MRE11: variants seen among roughly 807,000 people sequenced by gnomAD.
MRE11 encodes double-strand break repair protein MRE11.
MRE11 carries 62 observed loss-of-function variants against 91.7 expected under a neutral mutation model. That is an observed-to-expected ratio of 0.68 (90% CI 0.55 to 0.84). The LOEUF is 0.84. Among genes scored for constraint, MRE11 ranks in the 40% least tolerant of loss-of-function variants. The pLI is 0.00. For missense variants in MRE11, 796 were observed against 852.9 expected, an observed-to-expected ratio of 0.93 and a Z score of 0.83; for synonymous variants, 273 against 271.4, an observed-to-expected ratio of 1.01 and a Z score of -0.06.
chr11:94,419,555 T>G lies in MRE11; in HGVS notation c.*570A>C, dbSNP rs397509346. On this transcript the variant is annotated 3_prime_UTR_variant, in exon 20 of 20. Coordinates refer to ENST00000323929, the MANE Select transcript of MRE11 (RefSeq NM_005591.4). ...ACTACCACTTAATGGGAACACAATCTTTTGAAATCTTTGCTACAACTGGAA... is the reference window on the plus strand; with the variant it reads ...ACTACCACTTAATGGGAACACAATCGTTTGAAATCTTTGCTACAACTGGAA... 6.0e-5 allele frequency: 14 copies of G among 232,508 alleles called. No individual in the cohort carries two copies. Among genetic ancestry groups the G allele is most frequent in the Non-Finnish European group, 1.2e-4 (14 of 118,032 alleles). The allele number at this position is 232,508 out of a possible 1,614,324, so 14.4% of individuals were successfully genotyped here. A position where few individuals can be genotyped will look rare whatever the true frequency, so the allele number is the denominator to read the frequency against.
chr11:94,485,501 AAAAC>A (rs1378134093), intron 4 of MRE11, among the ~76,000 whole-genome samples: 1 of 144,660 alleles, frequency 6.9e-6, no homozygotes, highest in Non-Finnish European at 1.6e-5. Context: ...TTCAGGTAGA[AAAAC>A]AAACAAAAAA....
At chr11:94,497,822 G>T (rs1336319899), upstream of MRE11, 5 of 417,304 alleles carry the variant, frequency 1.2e-5, no homozygotes, top group Admixed American at 4.1e-5. Flanking sequence ...AGGAGTAAAT[G>T]TATGGTTTGA....
At chr11:94,475,430 A>G (rs746204516) in intron 7 of MRE11, 42 of 344,222 alleles carry the variant, frequency 1.2e-4, no homozygotes, top group Admixed American at 4.2e-4. Flanking sequence ...GTGGATACCA[A>G]GGGACAACTG....
rs76843809 is a variant in MRE11, at chr11:94,439,689, T to C, written c.1868-2454A>G. On this transcript the variant is annotated intron_variant, in intron 16 of 19. Coordinates refer to ENST00000323929, the MANE Select transcript of MRE11 (RefSeq NM_005591.4). The stretch of plus-strand genomic sequence containing the variant: ...CTTAATATGCATAGACACTGCCTGA[T>C]ACTTCACATGCATTTTCTCATTAAT... Among the ~76,000 whole-genome samples, 1,174 of 152,340 alleles carry C rather than the reference T, an allele frequency of 7.7e-3. 19 individuals carry two copies. Among genetic ancestry groups the C allele is most frequent in the South Asian group, 0.064 (307 of 4,828 alleles).
At chr11:94,463,619 A>G (rs1468132645) in intron 11 of MRE11, among the ~76,000 whole-genome samples, 1 of 152,200 alleles carries the variant, frequency 6.6e-6, no homozygotes, top group Non-Finnish European at 1.5e-5. Flanking sequence ...TGATGAGTTC[A>G]TGTCCTTTGT....
rs1247295056 is a variant in MRE11, at chr11:94,420,109, A to T, written c.*16T>A. ...TTTTCCTGTATCTTGCATGTTTCTC[A>T]GTGCCATTAAATATATTATCTTCTA... On this transcript the variant is annotated 3_prime_UTR_variant, in exon 20 of 20. Coordinates refer to ENST00000323929, the MANE Select transcript of MRE11 (RefSeq NM_005591.4). 1 of 1,538,242 alleles carries T rather than the reference A, an allele frequency of 6.5e-7. No homozygotes were observed.
intron 3 of MRE11, among the ~76,000 whole-genome samples, chr11:94,490,409 T>C (rs1947255783): frequency 6.6e-6 from 1 of 152,174 alleles, no homozygotes; most frequent in East Asian, 1.9e-4. Context: ...CTAAACGTGA[T>C]TTTTTCTGCC....
intron 19 of MRE11, among the ~76,000 whole-genome samples, chr11:94,422,534 G>T (rs1945199530): frequency 1.4e-5 from 2 of 147,024 alleles, no homozygotes; most frequent in African/African-American, 5.3e-5. Flanking sequence ...ATAAGTAAAT[G>T]GTAGAAGCTA....
At chr11:94,488,647 T>C (rs1172850678) in intron 3 of MRE11, among the ~76,000 whole-genome samples, 3 of 152,186 alleles carry the variant, frequency 2.0e-5, no homozygotes, top group Non-Finnish European at 4.4e-5. Flanking sequence ...ATAATGTCCT[T>C]TGCAGGGACA....
Position 94,419,767 on chromosome 11 carries a change from T to C in MRE11, c.*358A>G. 1 of 251,688 alleles carries C rather than the reference T, an allele frequency of 4.0e-6. No homozygotes were observed. Among genetic ancestry groups the C allele is most frequent in the South Asian group, 1.3e-4 (1 of 7,934 alleles). 15.6% of individuals were successfully genotyped at this position (251,688 alleles called of 1,614,324 possible). ...TTTTACTTTCAGAAAACCCAGAACCTCTAGGAAATTACTAAAATTATGAAG... is the reference window on the plus strand; with the variant it reads ...TTTTACTTTCAGAAAACCCAGAACCCCTAGGAAATTACTAAAATTATGAAG... On this transcript the variant is annotated 3_prime_UTR_variant, in exon 20 of 20. Coordinates refer to ENST00000323929, the MANE Select transcript of MRE11 (RefSeq NM_005591.4).
chr11:94,452,378 C>T lies in MRE11; in HGVS notation c.1563+3898G>A, dbSNP rs189779535. 5.2e-4 allele frequency among the ~76,000 whole-genome samples: 79 copies of T among 152,138 alleles called. 3 individuals carry two copies. In the East Asian group the frequency reaches 0.014, roughly 26 times the overall value. On this transcript the variant is annotated intron_variant, in intron 14 of 19. Coordinates refer to ENST00000323929, the MANE Select transcript of MRE11 (RefSeq NM_005591.4). ...AACAGTAGGAAATAATTTCTTACCC[C>T]TTAGACTTGTAAAGATCAAAAGATA...
At chr11:94,506,855 G>C in the MRE11 span, among the ~76,000 whole-genome samples, 5 of 152,092 alleles carry the variant, frequency 3.3e-5, no homozygotes, top group African/African-American at 1.2e-4. Flanking sequence ...CTCCAAAAGT[G>C]CTGGGATTAT....
chr11:94,485,549 C>T (rs966620014), intron 4 of MRE11, among the ~76,000 whole-genome samples: 1 of 149,888 alleles, frequency 6.7e-6, no homozygotes, highest in Non-Finnish European at 1.5e-5. Context: ...AGGATACGAA[C>T]AGGAGAGGAT....
At chr11:94,479,992 T>C (rs543994482) in intron 4 of MRE11, among the ~76,000 whole-genome samples, 4 of 152,310 alleles carry the variant, frequency 2.6e-5, no homozygotes, top group Admixed American at 6.5e-5. Flanking sequence ...TAATAAACAG[T>C]GCTTGTGGTA....
At chr11:94,489,308 A>C (rs763281724) in intron 3 of MRE11, among the ~76,000 whole-genome samples, 1 of 151,776 alleles carries the variant, frequency 6.6e-6, no homozygotes, top group Non-Finnish European at 1.5e-5. Context: ...CTCAGAGTAG[A>C]ACATGCCGGT....
At chr11:94,426,468 A>T (rs564075762) in intron 19 of MRE11, among the ~76,000 whole-genome samples, 20 of 73,862 alleles carry the variant, frequency 2.7e-4, no homozygotes, top group Admixed American at 2.0e-3. Context: ...GTTAATTTAA[A>T]TCAAATTAAC....
chr11:94,498,258 G>C, upstream of MRE11: 1 of 1,614,190 alleles, frequency 6.2e-7, no homozygotes, highest in South Asian at 1.1e-5. Context: ...CACAGTGCTT[G>C]TAAGTGGAAT....
At position 94,435,900 on chromosome 11, in the gene MRE11, C is replaced by A. The variant is rs1295485913; in HGVS notation, c.1927-1G>T. The A allele has an allele frequency of 1.2e-6, 2 of 1,613,506 alleles. No homozygotes were observed. Among genetic ancestry groups the A allele is most frequent in the East Asian group, 4.5e-5 (2 of 44,852 alleles). ...CATCTGATTCATCTACCTCAATCAC[C>A]TGGCAAGGAAACAAAGCAACAAACA... On this transcript the variant is annotated splice_acceptor_variant, in intron 17 of 19. Coordinates refer to ENST00000323929, the MANE Select transcript of MRE11 (RefSeq NM_005591.4). LOFTEE classifies it high-confidence loss of function.
Position 94,415,993 on chromosome 11 carries a change from T to C in MRE11, c.*4132A>G, listed in dbSNP as rs1298416715. 1 of 152,308 alleles carries C rather than the reference T, an allele frequency of 6.6e-6. No individual in the cohort carries two copies. Among genetic ancestry groups the C allele is most frequent in the Non-Finnish European group, 1.5e-5 (1 of 68,132 alleles). The allele number at this position is 152,308 out of a possible 1,614,324, so 9.4% of individuals were successfully genotyped here. On this transcript the variant is annotated 3_prime_UTR_variant, in exon 20 of 20. Transcript: ENST00000323929. ...GCCTGGCTAATTTTTGTATTTTTAG[T>C]AGAGTCGGGGTTTCGCCATGTTGGC...
Sources: allele counts gnomAD v4.1 joint callset (sites outside exome capture counted in the v4.1 genomes callset), GRCh38; gene constraint gnomAD v4.1.1; transcripts MANE v1.5; gene names NCBI Gene and HGNC (gene_info 2026-07-23, HGNC 2026-07-21).